CRYBG1: variants seen among roughly 807,000 people sequenced by gnomAD.
The protein encoded by CRYBG1 is crystallin beta-gamma domain containing 1, also known as beta/gamma crystallin domain-containing protein 1.
A neutral mutation model predicts 189.2 loss-of-function variants in CRYBG1; 139 were observed. The ratio of observed to expected loss-of-function variants is 0.73; its 90% CI spans 0.64 to 0.85. The LOEUF is 0.85. Ranked by LOEUF, CRYBG1 falls within the 40% of genes least tolerant of loss-of-function variation. The pLI, the probability that CRYBG1 is intolerant of heterozygous loss-of-function variation, is 0.00. For missense variants in CRYBG1, 2,611 were observed against 2,675.8 expected (o/e 0.98, Z 0.53); for synonymous variants, 1,023 against 1,017.1 (o/e 1.01, Z -0.11).
intron 2 of CRYBG1, among the ~76,000 whole-genome samples, chr6:106,453,987 G>C (rs1771834682): frequency 6.6e-6 from 1 of 152,154 alleles, no homozygotes; most frequent in African/African-American, 2.4e-5. Flanking sequence ...CTGTCTCTAA[G>C]TGTCACTGGA....
chr6:106,386,573 G>C (rs1770393240), intron 1 of CRYBG1, among the ~76,000 whole-genome samples: 1 of 152,140 alleles, frequency 6.6e-6, no homozygotes. Context: ...ATTTGCACCT[G>C]CTCCCCAGTG....
Position 106,519,735 on chromosome 6 carries a change from G to T in CRYBG1, c.2527G>T (p.Asp843Tyr). Reference sequence around the variant, plus strand: ...AGCACAAGACATCCCCACCACTGTGGATACCAAAGATTTACCTCCAACGGC... The same window carrying T: ...AGCACAAGACATCCCCACCACTGTGTATACCAAAGATTTACCTCCAACGGC... ...DTAQDIPTTV[D>Y]TKDLPPTAMP... Residue 843 changes from aspartate (D) to tyrosine (Y), a missense_variant, in exon 4 of 22, where the codon GAT (aspartate) becomes TAT (tyrosine). Transcript: ENST00000633556. The T allele has an allele frequency of 6.2e-7, 1 of 1,614,148 alleles. No homozygotes were observed. The highest frequency in any genetic ancestry group is 1.3e-5 in the African/African-American group (1 of 75,030).
chr6:106,451,629 G>A, intron 1 of CRYBG1, 65 bp from the exon 2 acceptor site: 1 of 1,375,062 alleles, frequency 7.3e-7, no homozygotes, highest in Non-Finnish European at 9.6e-7. Flanking sequence ...ATATGCCTTT[G>A]GGTTTCTTGA....
chr6:106,445,240 T>C (rs761164503), intron 1 of CRYBG1, among the ~76,000 whole-genome samples: 1 of 152,244 alleles, frequency 6.6e-6, no homozygotes, highest in Non-Finnish European at 1.5e-5. Context: ...TAGCAAATTA[T>C]TTTCATTTCC....
Position 106,563,995 on chromosome 6 carries a change from A to C in CRYBG1, c.6301+69A>C, listed in dbSNP as rs142921876. The C allele has an allele frequency of 8.2e-6, 12 of 1,469,336 alleles. No individual in the cohort carries two copies. The African/African-American group carries it at 9.8e-5, about 12-fold the overall frequency. The allele number at this position is 1,469,336 out of a possible 1,614,324, so 91.0% of individuals were successfully genotyped here. On this transcript the variant is annotated intron_variant, in intron 21 of 21. Coordinates refer to ENST00000633556, the MANE Select transcript of CRYBG1 (RefSeq NM_001371242.2). ...CTTTTAGTTAAGGAAAAATCTATTCATAACTTTTGAAAATGATGAATGTAT... is the reference window on the plus strand; with the variant it reads ...CTTTTAGTTAAGGAAAAATCTATTCCTAACTTTTGAAAATGATGAATGTAT...
intron 2 of CRYBG1, among the ~76,000 whole-genome samples, chr6:106,482,962 C>T (rs1266516754): frequency 6.6e-6 from 1 of 152,020 alleles, no homozygotes. Flanking sequence ...TATTCATCAC[C>T]TCATGCATTT....
intron 2 of CRYBG1, among the ~76,000 whole-genome samples, chr6:106,474,634 G>A (rs946213292): frequency 5.9e-5 from 9 of 152,116 alleles, no homozygotes; most frequent in Non-Finnish European, 1.3e-4. Context: ...TCCCTCTGAG[G>A]GCAGAGGATG....
intron 4 of CRYBG1, among the ~76,000 whole-genome samples, chr6:106,523,243 C>T (rs1773651304): frequency 6.6e-6 from 1 of 152,064 alleles, no homozygotes; most frequent in Non-Finnish European, 1.5e-5. Context: ...AGAACCACTG[C>T]TATAAACAAA....
intron 1 of CRYBG1, 37 bp downstream of exon 1, chr6:106,361,118 T>C: frequency 6.6e-7 from 1 of 1,520,178 alleles, no homozygotes; most frequent in South Asian, 1.2e-5. Flanking sequence ...TCCCACCTCC[T>C]CCTCCTCCTC....
At chr6:106,401,080 C>G (rs912271326) in intron 1 of CRYBG1, among the ~76,000 whole-genome samples, 1 of 152,140 alleles carries the variant, frequency 6.6e-6, no homozygotes, top group Admixed American at 6.5e-5. Flanking sequence ...CATCCAATGG[C>G]TTTTGGGTCA....
At chr6:106,379,020 G>A (rs1019036818) in intron 1 of CRYBG1, among the ~76,000 whole-genome samples, 9 of 151,978 alleles carry the variant, frequency 5.9e-5, no homozygotes, top group South Asian at 2.1e-4. Context: ...GGTGGCAGGC[G>A]CCTGTAGTCC....
chr6:106,422,310 A>T (rs1018333617), intron 1 of CRYBG1, among the ~76,000 whole-genome samples: 1 of 107,638 alleles, frequency 9.3e-6, no homozygotes, highest in Non-Finnish European at 1.9e-5. Context: ...TCAAAATCCC[A>T]ATAGGGTTTT....
chr6:106,415,923 TC>T (rs989507197), intron 1 of CRYBG1, among the ~76,000 whole-genome samples: 5 of 151,886 alleles, frequency 3.3e-5, no homozygotes, highest in Non-Finnish European at 1.5e-5. Flanking sequence ...TGCCTGGCAG[TC>T]CCCCCCATTC....
chr6:106,439,376 T>C (rs948304143), intron 1 of CRYBG1, among the ~76,000 whole-genome samples: 1 of 152,218 alleles, frequency 6.6e-6, no homozygotes, highest in African/African-American at 2.4e-5. Context: ...GTTTGTTTCC[T>C]TTTTGAATTA....
At chr6:106,400,258 G>A (rs1770696805) in intron 1 of CRYBG1, among the ~76,000 whole-genome samples, 2 of 151,990 alleles carry the variant, frequency 1.3e-5, no homozygotes, top group African/African-American at 4.8e-5. Context: ...GAGAAGACAG[G>A]CATGAGCCAC....
At chr6:106,443,259 G>A (rs1244864244) in intron 1 of CRYBG1, among the ~76,000 whole-genome samples, 1 of 152,156 alleles carries the variant, frequency 6.6e-6, no homozygotes, top group African/African-American at 2.4e-5. Context: ...AATAAATACA[G>A]ATCAGAACAC....
chr6:106,376,008 C>CTT (rs1233653935), intron 1 of CRYBG1, among the ~76,000 whole-genome samples: 6 of 152,094 alleles, frequency 3.9e-5, no homozygotes, highest in African/African-American at 1.4e-4. Flanking sequence ...TTCTCTCTCT[C>CTT]TCTGTCAAAA....
At chr6:106,553,043 A>G (rs1398915129) in intron 15 of CRYBG1, among the ~76,000 whole-genome samples, 1 of 152,244 alleles carries the variant, frequency 6.6e-6, no homozygotes, top group Admixed American at 6.5e-5. Context: ...TGGCATTCAC[A>G]GGATTCCGAT....
At chr6:106,436,221 G>A (rs1423077744) in intron 1 of CRYBG1, among the ~76,000 whole-genome samples, 1 of 151,774 alleles carries the variant, frequency 6.6e-6, no homozygotes, top group Non-Finnish European at 1.5e-5. Context: ...ACTAGCCAGA[G>A]AATTCCTGTT....
Sources: gnomAD v4.1 joint callset for allele counts (sites outside exome capture counted in the v4.1 genomes callset) on GRCh38, gnomAD v4.1.1 for gene constraint, MANE v1.5 for transcripts, NCBI Gene and HGNC (gene_info 2026-07-23, HGNC 2026-07-21) for gene names.